Variants in NUP160 observed in about 807,000 individuals in gnomAD.
NUP160 encodes nuclear pore complex protein Nup160.
In NUP160, 94 loss-of-function variants were observed where a neutral mutation model predicts 196.9. The observed-to-expected ratio is 0.48, with a 90% CI of 0.40 to 0.57. The LOEUF is 0.57. Among genes scored for constraint, NUP160 ranks in the 20% least tolerant of loss-of-function variants. The pLI, the probability that NUP160 is intolerant of heterozygous loss-of-function variation, is 0.00. For missense variants in NUP160, 1,638 were observed against 1,748.3 expected (o/e 0.94, Z 1.13); for synonymous variants, 605 against 619.7 (o/e 0.98, Z 0.35).
intron 31 of NUP160, among the ~76,000 whole-genome samples, chr11:47,787,428 CTTT>C (rs145162308): frequency 1.4e-3 from 187 of 130,038 alleles, no homozygotes; most frequent in Non-Finnish European, 1.3e-3. Flanking sequence ...AATTCACAAA[CTTT>C]TTTTTTTTTT....
rs2135350368 is a variant in NUP160 at position 47,792,251 on chromosome 11, G to C, written c.3451-261C>G. 5 of 382,304 alleles carry C rather than the reference G, an allele frequency of 1.3e-5. No individual in the cohort carries two copies. The South Asian group carries it at 2.2e-4, about 17-fold the overall frequency. The allele number at this position is 382,304 out of a possible 1,614,324, so 23.7% of individuals were successfully genotyped here. The stretch of plus-strand genomic sequence containing the variant: ...CATGTAAATCAACTAATTTTTCTCG[G>C]CTCCAGAGTTATATATAACAGAAAC... On this transcript the variant is annotated intron_variant, in intron 28 of 35. Transcript: ENST00000378460.
At position 47,820,534 on chromosome 11, in the gene NUP160, GTTTAT is replaced by G. The variant is rs773377007; in HGVS notation, c.1278-1081_1278-1077del. Among the ~76,000 whole-genome samples, 263 of 151,900 alleles carry G rather than the reference GTTTAT, an allele frequency of 1.7e-3. 1 individual carries two copies. The highest frequency in any genetic ancestry group is 3.4e-3 in the Middle Eastern group (1 of 292). On this transcript the variant is annotated intron_variant, in intron 9 of 35. Coordinates refer to ENST00000378460, the Ensembl canonical transcript of NUP160. ...TGCATCGTGCCACCACACCTGGCTAGTTTATTTTATTTATTTATATTTATTTATTT... is the reference window on the plus strand; with the variant it reads ...TGCATCGTGCCACCACACCTGGCTAGTTTATTTATTTATATTTATTTATTT...
intron 20 of NUP160, among the ~76,000 whole-genome samples, chr11:47,804,991 A>G (rs1250158152): frequency 6.6e-6 from 1 of 152,198 alleles, no homozygotes; most frequent in Non-Finnish European, 1.5e-5. Context: ...TAAATTTTTA[A>G]AAGCCTGTAT....
rs563372458 is a variant in NUP160 at position 47,824,692 on chromosome 11, G to A, written c.1102-2528C>T. Among the ~76,000 whole-genome samples the A allele has an allele frequency of 7.9e-5, 12 of 152,192 alleles. No individual in the cohort carries two copies. In the South Asian group the frequency reaches 1.9e-3, roughly 24 times the overall value. On this transcript the variant is annotated intron_variant, in intron 7 of 35. Coordinates refer to ENST00000378460, the Ensembl canonical transcript of NUP160. ...CTTGCTCTGTTACCCAAGCTGCAGT[G>A]CAGTGACATGATCGTAGCTCAACGT...
At chr11:47,817,139 C>T (rs1178338167) in intron 11 of NUP160, among the ~76,000 whole-genome samples, 2 of 151,450 alleles carry the variant, frequency 1.3e-5, no homozygotes, top group Non-Finnish European at 2.9e-5. Context: ...CCACACCTGG[C>T]TATTTTTCTA....
At chr11:47,804,526 A>G (rs536888974) in intron 21 of NUP160, 23 bp downstream of exon 21, 2 of 1,470,250 alleles carry the variant, frequency 1.4e-6, no homozygotes, top group Admixed American at 2.5e-5. Flanking sequence ...ATGTGTAGAC[A>G]TGAAATGTTC....
intron 13 of NUP160, among the ~76,000 whole-genome samples, chr11:47,813,901 C>T (rs2097682598): frequency 6.6e-6 from 1 of 151,648 alleles, no homozygotes; most frequent in South Asian, 2.1e-4. Flanking sequence ...GAAACCCCGT[C>T]TCTACTAAAA....
intron 31 of NUP160, among the ~76,000 whole-genome samples, 166 bp from the exon 32 acceptor site, chr11:47,786,720 T>G (rs1204459457): frequency 6.6e-6 from 1 of 152,212 alleles, no homozygotes; most frequent in Non-Finnish European, 1.5e-5. Flanking sequence ...ACTGGATACC[T>G]ACAAGAACAT....
exon 7 of NUP160, chr11:47,835,807 C>A: frequency 6.3e-7 from 1 of 1,575,326 alleles, no homozygotes; most frequent in Admixed American, 1.9e-5. Context: ...GGCACATTTG[C>A]TCCTGTCCAA....
chr11:47,796,261 C>A, intron 27 of NUP160: 1 of 647,488 alleles, frequency 1.5e-6, no homozygotes, highest in Admixed American at 2.1e-5. Context: ...ACAGTAGGAT[C>A]AATCAGAAAG....
At chr11:47,798,535 AATT>A (rs2097672227) in intron 23 of NUP160, 72 bp from the exon 24 acceptor site, 1 of 863,476 alleles carries the variant, frequency 1.2e-6, no homozygotes, top group Non-Finnish European at 1.9e-6. Context: ...TATGGTTTAA[AATT>A]ATTGAGAAAG....
exon 2 of NUP160, chr11:47,847,852 G>T: frequency 1.2e-6 from 2 of 1,609,364 alleles, no homozygotes; most frequent in Non-Finnish European, 1.7e-6. Flanking sequence ...ACTTACCAAT[G>T]AATGAACCTG....
chr11:47,824,532 C>T (rs58023759), intron 7 of NUP160, among the ~76,000 whole-genome samples: 1 of 151,888 alleles, frequency 6.6e-6, no homozygotes, highest in Admixed American at 6.6e-5. Flanking sequence ...ATGGTGTGAA[C>T]CCGGGAGGCG....
At chr11:47,833,956 G>A (rs571147574) in intron 7 of NUP160, among the ~76,000 whole-genome samples, 1 of 152,254 alleles carries the variant, frequency 6.6e-6, no homozygotes, top group South Asian at 2.1e-4. Flanking sequence ...TTTTCACTTT[G>A]CTTTGTATCT....
In NUP160 at chr11:47,812,237, G is replaced by A; in HGVS notation, c.2081-13C>T. The A allele has an allele frequency of 6.2e-7, 1 of 1,613,686 alleles. No homozygotes were observed. Among genetic ancestry groups the A allele is most frequent in the Non-Finnish European group, 8.5e-7 (1 of 1,179,768 alleles). Reference sequence around the variant, plus strand: ...TTCAAAGGCTGAGCTGTAAAAAGAAGAAAAATGGAGTTGAATGCATCATTG... The same window carrying A: ...TTCAAAGGCTGAGCTGTAAAAAGAAAAAAAATGGAGTTGAATGCATCATTG... On this transcript the variant is annotated splice_polypyrimidine_tract_variant and intron_variant, in intron 16 of 35. Transcript: ENST00000378460.
intron 33 of NUP160, 118 bp from the exon 34 acceptor site, chr11:47,783,316 T>G (rs1599301964): frequency 7.9e-7 from 1 of 1,271,772 alleles, no homozygotes; most frequent in East Asian, 2.5e-5. Flanking sequence ...ATTAAACCAG[T>G]GGCTTGGTTT....
At chr11:47,792,570 C>A in intron 28 of NUP160, 1 of 465,880 alleles carries the variant, frequency 2.1e-6, no homozygotes, top group Non-Finnish European at 3.7e-6. Context: ...AACCACTCTG[C>A]AATATTTCTT....
chr11:47,798,267 A>G lies in NUP160; in HGVS notation c.2992-5T>C, dbSNP rs1019672471. 6.3e-7 allele frequency: 1 copy of G among 1,594,922 alleles called. No homozygotes were observed. The highest frequency in any genetic ancestry group is 8.6e-7 in the Non-Finnish European group (1 of 1,163,078). On this transcript the variant is annotated splice_polypyrimidine_tract_variant and splice_region_variant and intron_variant, in intron 24 of 35. Coordinates refer to ENST00000378460, the Ensembl canonical transcript of NUP160. ...AATACATGTCCTTAGAGTAGCCTAA[A>G]TATCAAATGTAGATCAAATATCAAA...
At chr11:47,788,545 C>T (rs1323833346) in exon 30 of NUP160, 14 of 1,613,976 alleles carry the variant, frequency 8.7e-6, no homozygotes, top group East Asian at 4.5e-5. Flanking sequence ...CAAAGTGAGG[C>T]GGATGCGAGC....
Sources: allele counts gnomAD v4.1 joint callset (sites outside exome capture counted in the v4.1 genomes callset), GRCh38; gene constraint gnomAD v4.1.1; transcripts MANE v1.5; gene names NCBI Gene and HGNC (gene_info 2026-07-23, HGNC 2026-07-21).